GABBR2: variants seen among roughly 807,000 people sequenced by gnomAD.
GABBR2 encodes gamma-aminobutyric acid type B receptor subunit 2.
GABBR2 carries 23 observed loss-of-function variants against 105.6 expected under a neutral mutation model. The ratio of observed to expected loss-of-function variants is 0.22; its 90% CI spans 0.16 to 0.31. GABBR2 has a LOEUF of 0.31. Ranked by LOEUF, GABBR2 falls within the 10% of genes least tolerant of loss-of-function variation. The pLI is 1.00. For synonymous variants in GABBR2, 478 were observed against 499.7 expected, an observed-to-expected ratio of 0.96 and a Z score of 0.58; for missense variants, 734 against 1,245.5, an observed-to-expected ratio of 0.59 and a Z score of 6.18.
intron 8 of GABBR2, among the ~76,000 whole-genome samples, chr9:98,403,756 A>ATAT (rs1554701359): frequency 1.1e-3 from 161 of 145,302 alleles, no homozygotes; most frequent in South Asian, 3.7e-3. Flanking sequence ...GAAAAAAAAA[A>ATAT]ATATATATAT....
intron 7 of GABBR2, among the ~76,000 whole-genome samples, chr9:98,435,837 T>C (rs1041197697): frequency 2.6e-5 from 4 of 152,218 alleles, no homozygotes; most frequent in African/African-American, 9.6e-5. Context: ...ATCCCCAGTC[T>C]GTCACTCATC....
chr9:98,417,953 TGGA>T (rs1202135717), intron 7 of GABBR2, among the ~76,000 whole-genome samples: 1 of 151,920 alleles, frequency 6.6e-6, no homozygotes, highest in Non-Finnish European at 1.5e-5. Context: ...TGTGGCTCTT[TGGA>T]GGAGTAGAAA....
chr9:98,314,638 G>A (rs550667284), intron 13 of GABBR2, among the ~76,000 whole-genome samples: 7 of 152,222 alleles, frequency 4.6e-5, no homozygotes, highest in South Asian at 4.1e-4. Flanking sequence ...GTGCTTTCAC[G>A]GAGCCACAGC....
chr9:98,485,673 C>T (rs1827031012), intron 4 of GABBR2, among the ~76,000 whole-genome samples: 1 of 152,070 alleles, frequency 6.6e-6, no homozygotes, highest in Non-Finnish European at 1.5e-5. Flanking sequence ...AACAGTCCGT[C>T]AGCCCCACCC....
chr9:98,570,787 G>A (rs569506872), intron 2 of GABBR2, among the ~76,000 whole-genome samples: 16 of 152,330 alleles, frequency 1.1e-4, no homozygotes, highest in African/African-American at 1.7e-4. Context: ...TGGGAGATGC[G>A]GGCTGAGGCT....
rs1286741575 is a variant in GABBR2 at position 98,428,551 on chromosome 9, C to CAG, written c.1237-22412_1237-22411dup. On this transcript the variant is annotated intron_variant, in intron 7 of 18. Coordinates refer to ENST00000259455, the MANE Select transcript of GABBR2 (RefSeq NM_005458.8). ...GAAGAAGAAAAGTAGAGAGACAACACAGAGAGACCCACTTGGCCCCATGCT... is the reference window on the plus strand; with the variant it reads ...GAAGAAGAAAAGTAGAGAGACAACACAGAGAGAGACCCACTTGGCCCCATGCT... Among the ~76,000 whole-genome samples the CAG allele has an allele frequency of 2.6e-5, 4 of 152,296 alleles. No homozygotes were observed. In the East Asian group the frequency reaches 7.7e-4, roughly 29 times the overall value.
At chr9:98,360,616 G>A (rs1564030864) in intron 13 of GABBR2, among the ~76,000 whole-genome samples, 5 of 152,222 alleles carry the variant, frequency 3.3e-5, no homozygotes. Context: ...GCCTTGGAAA[G>A]TCTGGAATGT....
chr9:98,385,551 A>G (rs1041177683), intron 11 of GABBR2, 89 bp downstream of exon 11: 2 of 1,027,254 alleles, frequency 1.9e-6, no homozygotes, highest in South Asian at 2.7e-5. Context: ...ATTTTCATGT[A>G]TTTCTGGGTT....
intron 2 of GABBR2, among the ~76,000 whole-genome samples, chr9:98,545,563 G>A (rs1051998545): frequency 6.6e-6 from 1 of 152,110 alleles, no homozygotes; most frequent in Non-Finnish European, 1.5e-5. Flanking sequence ...CACTCCAAAC[G>A]AACTGAATCA....
At chr9:98,292,843 A>T (rs73657134) in intron 18 of GABBR2, among the ~76,000 whole-genome samples, 1,777 of 152,300 alleles carry the variant, frequency 0.012, 37 homozygotes, top group African/African-American at 0.041. Context: ...CACTGGCAGA[A>T]CCTGTGTTCG....
intron 8 of GABBR2, among the ~76,000 whole-genome samples, chr9:98,398,976 G>A (rs1290979063): frequency 1.3e-5 from 2 of 152,174 alleles, no homozygotes; most frequent in African/African-American, 2.4e-5. Flanking sequence ...CTAAGTACCT[G>A]AGGGGACCCA....
chr9:98,330,034 G>C (rs16914931), intron 13 of GABBR2, among the ~76,000 whole-genome samples: 1 of 152,056 alleles, frequency 6.6e-6, no homozygotes, highest in East Asian at 1.9e-4. Context: ...CAGAGTAGGC[G>C]TTATCAAGAG....
intron 1 of GABBR2, among the ~76,000 whole-genome samples, chr9:98,612,837 CAT>C (rs1478554178): frequency 2.0e-5 from 3 of 152,190 alleles, no homozygotes; most frequent in Admixed American, 2.0e-4. Context: ...AACAGAGACT[CAT>C]AGCACGCCCA....
At chr9:98,542,093 G>A (rs761592903) in intron 2 of GABBR2, 50 bp from the exon 3 acceptor site, 2 of 1,505,432 alleles carry the variant, frequency 1.3e-6, no homozygotes, top group South Asian at 2.4e-5. Flanking sequence ...CCTCACAGCT[G>A]TGACCCAGCA....
rs557676410 is a variant in GABBR2, at chr9:98,655,287, G to A, written c.321+53130C>T. Among the ~76,000 whole-genome samples the A allele has an allele frequency of 4.6e-5, 7 of 152,216 alleles. No individual in the cohort carries two copies. The South Asian group carries it at 1.5e-3, about 32-fold the overall frequency. On this transcript the variant is annotated intron_variant, in intron 1 of 18. Coordinates refer to ENST00000259455, the MANE Select transcript of GABBR2 (RefSeq NM_005458.8). ...TTGTACCACTCTGGTGGGGGATGTC[G>A]ATAATGGGGGATGCTGTTCATGTGT...
Position 98,454,036 on chromosome 9 carries a change from G to A in GABBR2, c.1181C>T (p.Thr394Met), listed in dbSNP as rs76761930. The change falls in exon 7 of 19, where the codon ACG (threonine) becomes ATG (methionine). Residue 394 changes from threonine to methionine, a missense_variant. This residue lies in a region of GABBR2 where 370 missense variants were observed against 648.9 expected (regional missense o/e 0.57). Coordinates refer to ENST00000259455, the MANE Select transcript of GABBR2 (RefSeq NM_005458.8). This position sits in a 1 kb window ranked among gnomAD's most constrained non-coding sequence, Gnocchi z 4.6. ...GGCATTGAGGATGATCCTGCCCAGC[G>A]TGTGGTCCGTGTAGTTGAAGTCCTG... ...RIQDFNYTDH[T>M]LGRIILNAMN... is the part of the protein sequence containing the mutation. 3.1e-5 allele frequency: 50 copies of A among 1,614,082 alleles called. No homozygotes were observed. Among genetic ancestry groups the A allele is most frequent in the Non-Finnish European group, 3.9e-5 (46 of 1,180,026 alleles).
chr9:98,699,544 C>T (rs527291056), intron 1 of GABBR2, among the ~76,000 whole-genome samples: 5 of 152,256 alleles, frequency 3.3e-5, no homozygotes, highest in South Asian at 4.1e-4. Flanking sequence ...TCTATTTGTT[C>T]GATAAATATT....
intron 8 of GABBR2, among the ~76,000 whole-genome samples, chr9:98,396,465 G>C (rs1402767304): frequency 6.6e-6 from 1 of 152,192 alleles, no homozygotes; most frequent in Non-Finnish European, 1.5e-5. Flanking sequence ...CTCTGACCGT[G>C]GGTGGTGGAA....
chr9:98,470,574 G>A (rs978526608), intron 6 of GABBR2, among the ~76,000 whole-genome samples: 1 of 152,032 alleles, frequency 6.6e-6, no homozygotes, highest in African/African-American at 2.4e-5. Context: ...GATTTGGGTG[G>A]GGACGCAGAG....
Sources: gnomAD v4.1 joint callset for allele counts (sites outside exome capture counted in the v4.1 genomes callset) on GRCh38, gnomAD v4.1.1 for gene constraint, gnomAD v4.1.1 regional missense constraint, Gnocchi (gnomAD v3.1) non-coding constraint, MANE v1.5 for transcripts, NCBI Gene and HGNC (gene_info 2026-07-23, HGNC 2026-07-21) for gene names.